IPO9: variants seen among roughly 807,000 people sequenced by gnomAD.
IPO9 encodes the protein importin 9.
Under a neutral mutation model 128.6 loss-of-function variants are expected in IPO9, and 28 were observed. The ratio of observed to expected loss-of-function variants is 0.22; its 90% CI spans 0.16 to 0.30. IPO9 has a LOEUF of 0.30. Among genes scored for constraint, IPO9 ranks in the 10% least tolerant of loss-of-function variants. IPO9 has a pLI of 1.00. For synonymous variants in IPO9, 455 were observed against 475.8 expected (o/e 0.96, Z 0.57); for missense variants, 935 against 1,293.9 (o/e 0.72, Z 4.26).
chr1:201,845,908 A>G (rs1011013360), intron 1 of IPO9, among the ~76,000 whole-genome samples: 1 of 152,174 alleles, frequency 6.6e-6, no homozygotes, highest in East Asian at 1.9e-4. Context: ...ACAAAGAAAT[A>G]TTTGACAGTT....
At chr1:201,853,139 A>G (rs1352197321) in intron 6 of IPO9, 42 bp downstream of exon 6, 6 of 1,521,868 alleles carry the variant, frequency 3.9e-6, no homozygotes, top group African/African-American at 2.7e-5. Flanking sequence ...CATGCTTAAA[A>G]GTTTTATTCA....
intron 1 of IPO9, among the ~76,000 whole-genome samples, chr1:201,844,687 T>C (rs1388960698): frequency 2.0e-5 from 3 of 152,224 alleles, no homozygotes; most frequent in Non-Finnish European, 4.4e-5. Flanking sequence ...TTGTAAAATA[T>C]GGACATAGAT....
At chr1:201,855,062 A>G in intron 8 of IPO9, 62 bp from the exon 9 acceptor site, 2 of 1,318,494 alleles carry the variant, frequency 1.5e-6, no homozygotes, top group South Asian at 1.2e-5. Context: ...AATATGTAAC[A>G]TTTCCATGTA....
chr1:201,830,208 T>C (rs1679807560), intron 1 of IPO9, among the ~76,000 whole-genome samples: 1 of 152,214 alleles, frequency 6.6e-6, no homozygotes, highest in Non-Finnish European at 1.5e-5. Flanking sequence ...TTCTTGGTCT[T>C]TGTGTAAGAA....
chr1:201,839,155 G>C (rs559989775), intron 1 of IPO9, among the ~76,000 whole-genome samples: 1 of 151,082 alleles, frequency 6.6e-6, no homozygotes, highest in East Asian at 2.0e-4. Flanking sequence ...CCTAACCTCA[G>C]GTGATCCACC....
intron 14 of IPO9, among the ~76,000 whole-genome samples, chr1:201,863,980 A>G (rs1678074028): frequency 6.6e-6 from 1 of 152,244 alleles, no homozygotes; most frequent in African/African-American, 2.4e-5. Flanking sequence ...TGATTATATT[A>G]GAAACCAAAT....
Position 201,847,561 on chromosome 1 carries a change from G to T in IPO9, c.235G>T (p.Val79Phe). ...GALAIRQLAS[V>F]ILKQYVETHW... is the part of the protein sequence containing the mutation. ...CTTATTCTCTTCACAGCTGGCATCA[G>T]TCATCTTGAAACAATATGTGGAGAC... Residue 79 changes from valine to phenylalanine, a missense_variant, in exon 3 of 24, where the codon GTC becomes TTC. This residue lies in a region of IPO9 where 741 missense variants were observed against 1,019.1 expected (regional missense o/e 0.73). Coordinates refer to ENST00000361565, the MANE Select transcript of IPO9 (RefSeq NM_018085.5). 1 of 1,613,908 alleles carries T rather than the reference G, an allele frequency of 6.2e-7. No homozygotes were observed. Among genetic ancestry groups the T allele is most frequent in the Non-Finnish European group, 8.5e-7 (1 of 1,179,878 alleles).
Position 201,829,185 on chromosome 1 carries a change from G to A in IPO9, c.-25G>A, listed in dbSNP as rs750453946. 65 of 1,486,634 alleles carry A rather than the reference G, an allele frequency of 4.4e-5. No individual in the cohort carries two copies. In the East Asian group the frequency reaches 5.2e-4, roughly 12 times the overall value. 92.1% of individuals were successfully genotyped at this position (1,486,634 alleles called of 1,614,324 possible). Reference sequence around the variant, plus strand: ...ATTCGGTGGCGGGTCCCGGCCGCGGGGCTGGCGGGCTGAGGGGAGAAAAGA... The same window carrying A: ...ATTCGGTGGCGGGTCCCGGCCGCGGAGCTGGCGGGCTGAGGGGAGAAAAGA... On this transcript the variant is annotated 5_prime_UTR_variant, in exon 1 of 24. Transcript: ENST00000361565.
intron 13 of IPO9, among the ~76,000 whole-genome samples, chr1:201,862,002 T>G (rs1375139541): frequency 1.3e-5 from 2 of 152,172 alleles, no homozygotes; most frequent in Admixed American, 1.3e-4. Context: ...TACTTGAGTT[T>G]GGAAACCATA....
intron 23 of IPO9, 113 bp from the exon 24 acceptor site, chr1:201,875,831 T>C: frequency 1.4e-6 from 1 of 717,308 alleles, no homozygotes; most frequent in Non-Finnish European, 2.5e-6. Context: ...CTCAGGGAGC[T>C]GGCATTTGTC....
chr1:201,864,109 G>A (rs1345693321), intron 14 of IPO9, among the ~76,000 whole-genome samples: 4 of 152,120 alleles, frequency 2.6e-5, no homozygotes, highest in Non-Finnish European at 5.9e-5. Context: ...CAGACTAGAA[G>A]GACCATTGTT....
Position 201,847,323 on chromosome 1 carries a change from G to A in IPO9, c.208G>A (p.Ala70Thr). The change falls in exon 2 of 24, where the codon GCA becomes ACA. Residue 70 changes from alanine (A) to threonine (T), a missense_variant. Around this residue, in one of 3 missense-constraint regions of IPO9, gnomAD observed 741 missense variants for 1,019.1 expected, o/e 0.73. Coordinates refer to ENST00000361565, the MANE Select transcript of IPO9 (RefSeq NM_018085.5). ...AGAACTGACTGTAGATCCCCAGGGG[G>A]CACTGGCAATCCGTCAGGTAAGTCC... ...LAELTVDPQGALAIRQLASVI... is the reference protein window; with the variant it reads ...LAELTVDPQGTLAIRQLASVI... 3.1e-6 allele frequency: 5 copies of A among 1,613,904 alleles called. No individual in the cohort carries two copies. The highest frequency in any genetic ancestry group is 4.2e-6 in the Non-Finnish European group (5 of 1,179,854).
intron 14 of IPO9, among the ~76,000 whole-genome samples, chr1:201,864,060 T>C (rs1019374832): frequency 2.0e-5 from 3 of 152,220 alleles, no homozygotes; most frequent in South Asian, 2.1e-4. Flanking sequence ...AAGGCTAGTG[T>C]TACTAATGGA....
chr1:201,854,060 G>A (rs1680274691), intron 6 of IPO9, among the ~76,000 whole-genome samples: 2 of 151,978 alleles, frequency 1.3e-5, no homozygotes, highest in African/African-American at 4.8e-5. Flanking sequence ...TTGTAGAGAC[G>A]GGGTCTCTCC....
intron 13 of IPO9, among the ~76,000 whole-genome samples, chr1:201,859,609 A>G (rs918154829): frequency 6.6e-6 from 1 of 152,014 alleles, no homozygotes; most frequent in African/African-American, 2.4e-5. Flanking sequence ...TTTTTGGCCA[A>G]TATCCAAATA....
chr1:201,869,583 C>T lies in IPO9; in HGVS notation c.2005-7C>T. 6.2e-7 allele frequency: 1 copy of T among 1,613,934 alleles called. No homozygotes were observed. Among genetic ancestry groups the T allele is most frequent in the Non-Finnish European group, 8.5e-7 (1 of 1,179,910 alleles). Reference sequence around the variant, plus strand: ...ATTCTGACTTTTCTTTTTCTTCTCTCTTTCAGACAGCCATTGATATCCTGA... The same window carrying T: ...ATTCTGACTTTTCTTTTTCTTCTCTTTTTCAGACAGCCATTGATATCCTGA... On this transcript the variant is annotated splice_polypyrimidine_tract_variant and splice_region_variant and intron_variant, in intron 16 of 23. Transcript: ENST00000361565.
In IPO9 at chr1:201,863,521, C is replaced by G; in HGVS notation, c.1542C>G (p.Ile514Met). The G allele has an allele frequency of 6.2e-7, 1 of 1,608,070 alleles. No homozygotes were observed. The highest frequency in any genetic ancestry group is 8.5e-7 in the Non-Finnish European group (1 of 1,175,054). ...CTGTTGCTATGTCCCCTGAACTGAT[C>G]CAGCAGTTCCTACAGGCAACAGTTA... ...RFTVAMSPEL[I>M]QQFLQATVSG... The change falls in exon 14 of 24, where the codon ATC becomes ATG. Residue 514 changes from isoleucine to methionine, a missense_variant. Ile to Met is a conservative substitution (Grantham distance 10). Coordinates refer to ENST00000361565, the MANE Select transcript of IPO9 (RefSeq NM_018085.5).
At chr1:201,859,046 G>A in intron 13 of IPO9, 52 bp downstream of exon 13, 2 of 1,567,210 alleles carry the variant, frequency 1.3e-6, no homozygotes, top group Non-Finnish European at 1.7e-6. Context: ...CCTGTTGTGG[G>A]GTTGGGGGAG....
In IPO9 at chr1:201,858,568, C is replaced by T. The variant is rs778293243; in HGVS notation, c.1328+15C>T. ...ACTGAGCACTGGTAAGAGTGAGCCG[C>T]TAATTGGTTAAGATGCTTTTGTTTA... On this transcript the variant is annotated intron_variant, in intron 12 of 23. Coordinates refer to ENST00000361565, the MANE Select transcript of IPO9 (RefSeq NM_018085.5). 7.0e-7 allele frequency: 1 copy of T among 1,425,480 alleles called. No homozygotes were observed. Among genetic ancestry groups the T allele is most frequent in the Non-Finnish European group, 9.6e-7 (1 of 1,046,382 alleles). 88.3% of individuals were successfully genotyped at this position (1,425,480 alleles called of 1,614,324 possible). A position where few individuals can be genotyped will look rare whatever the true frequency, so the allele number is the denominator to read the frequency against.
Sources: allele counts gnomAD v4.1 joint callset (sites outside exome capture counted in the v4.1 genomes callset), GRCh38; gene constraint gnomAD v4.1.1; regional missense constraint gnomAD v4.1.1; transcripts MANE v1.5; gene names NCBI Gene and HGNC (gene_info 2026-07-23, HGNC 2026-07-21).